SORCS1: variants seen among roughly 807,000 people sequenced by gnomAD.
The protein encoded by SORCS1 is VPS10 domain-containing receptor SorCS1.
In SORCS1, 60 loss-of-function variants were observed where a neutral mutation model predicts 146.1. That is an observed-to-expected ratio of 0.41 (90% CI 0.33 to 0.51). The LOEUF is 0.51. Ranked by LOEUF, SORCS1 falls within the 20% of genes least tolerant of loss-of-function variation. The pLI is 0.21. For missense variants in SORCS1, 1,352 were observed against 1,487.6 expected (o/e 0.91, Z 1.50); for synonymous variants, 637 against 584.0 (o/e 1.09, Z -1.31).
intron 5 of SORCS1, among the ~76,000 whole-genome samples, chr10:106,756,732 A>C (rs1232835185): frequency 6.6e-6 from 1 of 152,354 alleles, no homozygotes; most frequent in East Asian, 1.9e-4. Flanking sequence ...CTGTTCTTTT[A>C]GATAAACATA....
chr10:106,656,524 C>A (rs935068781), intron 17 of SORCS1, among the ~76,000 whole-genome samples: 4 of 151,918 alleles, frequency 2.6e-5, no homozygotes, highest in Admixed American at 6.6e-5. Context: ...CCACTGCACT[C>A]CCGAGCGAGA....
intron 6 of SORCS1, among the ~76,000 whole-genome samples, chr10:106,726,185 C>CTT (rs1169402270): frequency 9.5e-4 from 63 of 66,256 alleles, no homozygotes; most frequent in African/African-American, 1.1e-3. Flanking sequence ...CTTTCCCTCT[C>CTT]TTTTTTTTTT....
intron 1 of SORCS1, among the ~76,000 whole-genome samples, chr10:107,099,981 A>ATGTT (rs1320448340): frequency 6.6e-6 from 1 of 152,206 alleles, no homozygotes. Context: ...ATCACAGTAA[A>ATGTT]TGGAAACTCT....
chr10:107,103,238 G>A (rs369505246), intron 1 of SORCS1, among the ~76,000 whole-genome samples: 9 of 152,158 alleles, frequency 5.9e-5, no homozygotes, highest in Non-Finnish European at 1.0e-4. Flanking sequence ...TCATCTCTGC[G>A]TTACATTTCC....
rs981699257 is a variant in SORCS1 at position 106,796,018 on chromosome 10, A to C, written c.727-19326T>G. ...ATGCATGCTAGTGAGGTTATGAACA[A>C]ATCAAATTTTAGTGAATCAAATCTT... On this transcript the variant is annotated intron_variant, in intron 3 of 25. Coordinates refer to ENST00000263054, the MANE Select transcript of SORCS1 (RefSeq NM_052918.5). Among the ~76,000 whole-genome samples, 3 of 152,326 alleles carry C rather than the reference A, an allele frequency of 2.0e-5. No homozygotes were observed. The South Asian group carries it at 6.2e-4, about 32-fold the overall frequency.
chr10:106,899,778 G>A lies in SORCS1; in HGVS notation c.626+56735C>T, dbSNP rs1301648669. Among the ~76,000 whole-genome samples, 3 of 152,016 alleles carry A rather than the reference G, an allele frequency of 2.0e-5. No homozygotes were observed. The South Asian group carries it at 6.2e-4, about 32-fold the overall frequency. ...CAAAATCCCTTAACTTCCTTCATAAGTTCCTGGCACCAGCATGGATCTTTA... is the reference window on the plus strand; with the variant it reads ...CAAAATCCCTTAACTTCCTTCATAAATTCCTGGCACCAGCATGGATCTTTA... On this transcript the variant is annotated intron_variant, in intron 2 of 25. Coordinates refer to ENST00000263054, the MANE Select transcript of SORCS1 (RefSeq NM_052918.5).
chr10:106,862,068 C>T (rs1950033902), intron 2 of SORCS1, among the ~76,000 whole-genome samples: 1 of 152,068 alleles, frequency 6.6e-6, no homozygotes, highest in Non-Finnish European at 1.5e-5. Flanking sequence ...AAATCAATTC[C>T]TCATCTGTAA....
At chr10:106,618,044 C>T in intron 21 of SORCS1, 105 bp downstream of exon 21, 15 of 1,470,156 alleles carry the variant, frequency 1.0e-5, no homozygotes, top group Non-Finnish European at 1.4e-5. Context: ...GCCCTCCGTT[C>T]TCCAGGTAAA....
At chr10:106,945,041 A>G (rs1954261097) in intron 2 of SORCS1, among the ~76,000 whole-genome samples, 1 of 151,350 alleles carries the variant, frequency 6.6e-6, no homozygotes, top group Admixed American at 6.6e-5. Flanking sequence ...ATGAGCCACC[A>G]CACCCAGCTA....
intron 4 of SORCS1, among the ~76,000 whole-genome samples, chr10:106,767,357 C>T (rs1307544068): frequency 3.9e-5 from 6 of 152,114 alleles, no homozygotes; most frequent in Non-Finnish European, 7.4e-5. Flanking sequence ...GAACTAGAGC[C>T]GGTTGGGAAG....
At chr10:106,832,313 C>T (rs553279657) in intron 2 of SORCS1, among the ~76,000 whole-genome samples, 2 of 152,034 alleles carry the variant, frequency 1.3e-5, no homozygotes, top group South Asian at 2.1e-4. Context: ...CTCAGCCTCC[C>T]GAGTAGCTGG....
In SORCS1 at chr10:107,164,165, C is replaced by T. The variant is rs1015401599; in HGVS notation, c.362G>A (p.Gly121Glu). Reference sequence around the variant, plus strand: ...CCGGGGGCTCCGACTCGCGCCCTCTCCCCGTTCTGCCTTCTCCTGATCCGC... The same window carrying T: ...CCGGGGGCTCCGACTCGCGCCCTCTTCCCGTTCTGCCTTCTCCTGATCCGC... The part of the protein sequence containing the change: ...SGADQEKAER[G>E]EGASRSPRGV... Residue 121 changes from glycine to glutamate, a missense_variant, in exon 1 of 26, where the codon GGA becomes GAA. By Grantham distance (98) the Gly-to-Glu change is moderately conservative (BLOSUM62 -2). Around this residue, in one of 3 missense-constraint regions of SORCS1, gnomAD observed 490 missense variants for 489.1 expected, o/e 1.00. Coordinates refer to ENST00000263054, the MANE Select transcript of SORCS1 (RefSeq NM_052918.5). This position sits in a 1 kb window ranked among gnomAD's most constrained non-coding sequence, Gnocchi z 6.8. 1 of 1,612,718 alleles carries T rather than the reference C, an allele frequency of 6.2e-7. No homozygotes were observed. Among genetic ancestry groups the T allele is most frequent in the Non-Finnish European group, 8.5e-7 (1 of 1,179,980 alleles).
intron 1 of SORCS1, among the ~76,000 whole-genome samples, chr10:107,072,107 T>C (rs138500620): frequency 5.7e-4 from 87 of 152,274 alleles, no homozygotes; most frequent in African/African-American, 2.0e-3. Flanking sequence ...CAAGTGAAGA[T>C]GCGTTGCTGG....
intron 1 of SORCS1, among the ~76,000 whole-genome samples, chr10:107,059,202 AG>A (rs1960932228): frequency 6.6e-6 from 1 of 152,210 alleles, no homozygotes. Flanking sequence ...CAAGCAGGCC[AG>A]CCAACAAGCT....
intron 2 of SORCS1, among the ~76,000 whole-genome samples, chr10:106,911,538 G>T (rs549352655): frequency 6.6e-6 from 1 of 151,838 alleles, no homozygotes; most frequent in Non-Finnish European, 1.5e-5. Context: ...CCAGGATCAC[G>T]AACTCAGTAT....
At position 107,027,305 on chromosome 10, in the gene SORCS1, C is replaced by A. The variant is rs201022919; in HGVS notation, c.559-70725G>T. 2.5e-4 allele frequency among the ~76,000 whole-genome samples: 38 copies of A among 151,980 alleles called. 1 individual carries two copies. The East Asian group carries it at 6.0e-3, about 24-fold the overall frequency. On this transcript the variant is annotated intron_variant, in intron 1 of 25. Transcript: ENST00000263054. The stretch of plus-strand genomic sequence containing the variant: ...GGATAATGATGTTGTTAGGGGCTGA[C>A]TGAGGGATGAGTAGGGTGATGGTGG...
rs148415036 is a variant in SORCS1 at position 106,610,642 on chromosome 10, A to G, written c.3033+1269T>C. Among the ~76,000 whole-genome samples the G allele has an allele frequency of 3.5e-3, 532 of 152,278 alleles. 5 individuals carry two copies. The highest frequency in any genetic ancestry group is 0.012 in the African/African-American group (515 of 41,556). On this transcript the variant is annotated intron_variant, in intron 22 of 25. Coordinates refer to ENST00000263054, the MANE Select transcript of SORCS1 (RefSeq NM_052918.5). ...CACCATGTGTTGGAAGCAGGAAAGA[A>G]TGTTCAGCAAACCTAAACTGATTTT... is the stretch of plus-strand genomic sequence containing the variant.
At chr10:106,972,805 C>A (rs1955845566) in intron 1 of SORCS1, among the ~76,000 whole-genome samples, 1 of 152,154 alleles carries the variant, frequency 6.6e-6, no homozygotes, top group Admixed American at 6.5e-5. Context: ...TCTCTTACAA[C>A]CAGCTAGGTG....
intron 2 of SORCS1, among the ~76,000 whole-genome samples, chr10:106,871,319 C>T (rs988914624): frequency 6.6e-6 from 1 of 152,104 alleles, no homozygotes; most frequent in African/African-American, 2.4e-5. Context: ...AAAAACAGAA[C>T]TAGCATTTCC....
Sources: allele counts gnomAD v4.1 joint callset (sites outside exome capture counted in the v4.1 genomes callset), GRCh38; gene constraint gnomAD v4.1.1; regional missense constraint gnomAD v4.1.1; non-coding constraint Gnocchi (gnomAD v3.1); transcripts MANE v1.5; gene names NCBI Gene and HGNC (gene_info 2026-07-23, HGNC 2026-07-21).